NPAS3: variants seen among roughly 807,000 people sequenced by gnomAD.
NPAS3 encodes the protein neuronal PAS domain protein 3.
In NPAS3, 14 loss-of-function variants were observed where a neutral mutation model predicts 73.1. That is an observed-to-expected ratio of 0.19 (90% confidence interval 0.13 to 0.30). NPAS3 has a LOEUF of 0.30. Among genes scored for constraint, NPAS3 ranks in the 10% least tolerant of loss-of-function variants. NPAS3 has a pLI of 1.00. For missense variants in NPAS3, 1,096 were observed against 1,250.0 expected (o/e 0.88, Z 1.86); for synonymous variants, 620 against 541.5 (o/e 1.14, Z -2.01).
At chr14:33,473,591 TTAA>T (rs1189685048) in intron 4 of NPAS3, among the ~76,000 whole-genome samples, 1 of 151,970 alleles carries the variant, frequency 6.6e-6, no homozygotes, top group Non-Finnish European at 1.5e-5. Flanking sequence ...CCTCAAGGAG[TTAA>T]TAATCTGCTG....
intron 2 of NPAS3, among the ~76,000 whole-genome samples, chr14:33,128,392 T>C (rs2043511572): frequency 6.6e-6 from 1 of 152,192 alleles, no homozygotes; most frequent in African/African-American, 2.4e-5. Flanking sequence ...GATTTTTCTG[T>C]TCTTATATAC....
At chr14:33,711,516 G>C (rs1266892087) in intron 6 of NPAS3, among the ~76,000 whole-genome samples, 1 of 152,180 alleles carries the variant, frequency 6.6e-6, no homozygotes, top group Non-Finnish European at 1.5e-5. Flanking sequence ...GATTCAGCCA[G>C]AGTACATAAC....
chr14:33,050,614 A>C (rs979132835), intron 1 of NPAS3, among the ~76,000 whole-genome samples: 1 of 152,182 alleles, frequency 6.6e-6, no homozygotes, highest in Non-Finnish European at 1.5e-5. Flanking sequence ...TATTAATTTA[A>C]TTGCCATTAG....
At chr14:33,325,400 C>G (rs2043653095) in intron 3 of NPAS3, among the ~76,000 whole-genome samples, 1 of 152,078 alleles carries the variant, frequency 6.6e-6, no homozygotes, top group Non-Finnish European at 1.5e-5. Flanking sequence ...CCAATCAATA[C>G]TTTGGGAGAC....
chr14:33,353,352 G>A (rs1251255278), intron 3 of NPAS3, among the ~76,000 whole-genome samples: 1 of 152,178 alleles, frequency 6.6e-6, no homozygotes, highest in East Asian at 1.9e-4. Flanking sequence ...GTATTTGACA[G>A]ATCTTGGCTG....
chr14:33,649,066 G>C (rs2058915551), intron 5 of NPAS3, among the ~76,000 whole-genome samples: 1 of 152,158 alleles, frequency 6.6e-6, no homozygotes, highest in African/African-American at 2.4e-5. Context: ...ACTCAAATTT[G>C]AGTTCATTCT....
intron 3 of NPAS3, among the ~76,000 whole-genome samples, chr14:33,362,152 T>C (rs1213925540): frequency 1.3e-5 from 2 of 152,202 alleles, no homozygotes; most frequent in Non-Finnish European, 2.9e-5. Flanking sequence ...GTTAAGCTGG[T>C]ACCCAGTGCT....
chr14:33,777,255 G>A (rs2062848712), intron 8 of NPAS3, among the ~76,000 whole-genome samples: 1 of 152,068 alleles, frequency 6.6e-6, no homozygotes, highest in South Asian at 2.1e-4. Context: ...AGAAAACACC[G>A]ACTAATCTGT....
At chr14:33,455,587 G>T (rs970764719) in intron 4 of NPAS3, among the ~76,000 whole-genome samples, 3 of 152,244 alleles carry the variant, frequency 2.0e-5, no homozygotes, top group Non-Finnish European at 4.4e-5. Flanking sequence ...CTGAGCTTGT[G>T]TTGGGATGAT....
At chr14:32,936,256 C>T (rs2035691334), upstream of NPAS3, among the ~76,000 whole-genome samples, 1 of 151,776 alleles carries the variant, frequency 6.6e-6, no homozygotes, top group Non-Finnish European at 1.5e-5. Flanking sequence ...TCCAGTATTC[C>T]AAATATTCTG....
At chr14:33,385,700 C>G (rs1193488774) in intron 4 of NPAS3, among the ~76,000 whole-genome samples, 4 of 152,070 alleles carry the variant, frequency 2.6e-5, no homozygotes, top group African/African-American at 9.7e-5. Context: ...AGCTGTAGGG[C>G]CAGGAAAGAA....
intron 5 of NPAS3, among the ~76,000 whole-genome samples, chr14:33,566,521 C>T (rs1053491098): frequency 1.3e-5 from 2 of 152,028 alleles, no homozygotes; most frequent in African/African-American, 2.4e-5. Context: ...ACGAGCCAGG[C>T]AGAAGAATAC....
At chr14:33,656,731 T>A (rs1282544219) in intron 5 of NPAS3, among the ~76,000 whole-genome samples, 1 of 152,192 alleles carries the variant, frequency 6.6e-6, no homozygotes, top group Non-Finnish European at 1.5e-5. Context: ...GCACTTAAGA[T>A]CTACTCTTTG....
chr14:33,514,478 G>T (rs754219492), intron 4 of NPAS3, among the ~76,000 whole-genome samples: 3 of 151,994 alleles, frequency 2.0e-5, no homozygotes, highest in Non-Finnish European at 2.9e-5. Context: ...AATTGGTTGC[G>T]TTGCTTCCCT....
chr14:33,578,642 G>A (rs2056544015), intron 5 of NPAS3, among the ~76,000 whole-genome samples: 2 of 152,168 alleles, frequency 1.3e-5, no homozygotes, highest in South Asian at 4.1e-4. Context: ...AACTTCCATA[G>A]AGGATTTTGC....
chr14:33,575,451 A>G (rs1448880944), intron 5 of NPAS3, among the ~76,000 whole-genome samples: 2 of 152,160 alleles, frequency 1.3e-5, no homozygotes, highest in East Asian at 1.9e-4. Flanking sequence ...GTTTTGCCAG[A>G]TCTCTCTAAT....
chr14:33,435,157 A>G (rs1350590193), intron 4 of NPAS3, among the ~76,000 whole-genome samples: 1 of 152,236 alleles, frequency 6.6e-6, no homozygotes, highest in Admixed American at 6.5e-5. Context: ...ACATTTGTCC[A>G]GTGTGAAATC....
intron 2 of NPAS3, among the ~76,000 whole-genome samples, chr14:33,172,129 T>C (rs1397169912): frequency 6.6e-6 from 1 of 151,958 alleles, no homozygotes; most frequent in African/African-American, 2.4e-5. Flanking sequence ...ATAACAGATA[T>C]AATAATAATG....
At chr14:33,603,182 A>T (rs1023598379) in intron 5 of NPAS3, among the ~76,000 whole-genome samples, 3 of 152,210 alleles carry the variant, frequency 2.0e-5, no homozygotes, top group African/African-American at 7.2e-5. Context: ...AGAGACTCAA[A>T]TCCTAACTTC....
Sources: allele counts gnomAD v4.1 joint callset (sites outside exome capture counted in the v4.1 genomes callset), GRCh38; gene constraint gnomAD v4.1.1; transcripts MANE v1.5; gene names NCBI Gene and HGNC (gene_info 2026-07-23, HGNC 2026-07-21).